Variants in RREB1 observed in about 807,000 individuals in gnomAD.
RREB1 encodes ras responsive element binding protein 1.
RREB1 carries 27 observed loss-of-function variants against 117.8 expected under a neutral mutation model. The ratio of observed to expected loss-of-function variants is 0.23; its 90% CI spans 0.17 to 0.32. The LOEUF (loss-of-function observed/expected upper bound fraction) is 0.32. RREB1 is among the 10% of genes least tolerant of loss of function. The pLI, the probability that RREB1 is intolerant of heterozygous loss-of-function variation, is 1.00. For missense variants in RREB1, 2,577 were observed against 2,378.2 expected, an observed-to-expected ratio of 1.08 and a Z score of -1.74; for synonymous variants, 1,298 against 1,026.7, an observed-to-expected ratio of 1.26 and a Z score of -5.05.
At chr6:7,130,990 G>A (rs1762134941) in intron 1 of RREB1, among the ~76,000 whole-genome samples, 1 of 145,676 alleles carries the variant, frequency 6.9e-6, no homozygotes, top group African/African-American at 2.6e-5. Context: ...CCAGGCTGGA[G>A]GTCAGTGGCG....
At chr6:7,126,484 G>C (rs935868634) in intron 1 of RREB1, among the ~76,000 whole-genome samples, 12 of 150,828 alleles carry the variant, frequency 8.0e-5, no homozygotes, top group Non-Finnish European at 1.5e-4. Flanking sequence ...GGTCAGGCTG[G>C]TCTTAAACTC....
chr6:7,232,124 A>G (rs887564287), intron 10 of RREB1, among the ~76,000 whole-genome samples: 9 of 152,304 alleles, frequency 5.9e-5, no homozygotes, highest in African/African-American at 1.9e-4. Flanking sequence ...GAGCCCTCCA[A>G]GGGCAGCATT....
At chr6:7,159,853 A>G (rs760910673) in intron 1 of RREB1, among the ~76,000 whole-genome samples, 3 of 152,096 alleles carry the variant, frequency 2.0e-5, no homozygotes, top group Admixed American at 1.3e-4. Flanking sequence ...TTTATGGACT[A>G]TTTTCCTAAA....
Position 7,249,093 on chromosome 6 carries a change from G to GACAGACAGACAGAC in RREB1, c.*126_*127insCAGACAGACAGACA. On this transcript the variant is annotated 3_prime_UTR_variant, in exon 13 of 13. Coordinates refer to ENST00000379938, the MANE Select transcript of RREB1 (RefSeq NM_001003699.4). ...AGAGAGAGAGAGAGAGAGAGAGAGA[G>GACAGACAGACAGAC]AGAGAGAGAGACAAGCAGGAGCGTG... 1.3e-6 allele frequency: 1 copy of GACAGACAGACAGAC among 758,708 alleles called. No homozygotes were observed. Among genetic ancestry groups the GACAGACAGACAGAC allele is most frequent in the Admixed American group, 3.2e-5 (1 of 31,704 alleles). The allele number at this position is 758,708 out of a possible 1,614,324, so 47.0% of individuals were successfully genotyped here.
rs541412101 is a variant in RREB1, at chr6:7,246,565, A to G, written c.4115A>G (p.Glu1372Gly). The part of the protein sequence containing the change: ...GDAPVEQATA[E>G]TASPVHREEH... ...GCGCCTGTGGAGCAGGCCACGGCGG[A>G]AACGGCCTCGCCGGTGCACCGGGAA... Residue 1372 changes from glutamate (E) to glycine (G), a missense_variant, in exon 12 of 13, where the codon GAA (glutamate) becomes GGA (glycine). Glu to Gly is a moderately conservative substitution (Grantham distance 98, BLOSUM62 -2). Transcript: ENST00000379938. The G allele has an allele frequency of 2.1e-5, 33 of 1,549,398 alleles. No individual in the cohort carries two copies. Among genetic ancestry groups the G allele is most frequent in the Non-Finnish European group, 2.8e-5 (32 of 1,147,064 alleles).
At chr6:7,232,347 G>A (rs1768047588) in intron 10 of RREB1, among the ~76,000 whole-genome samples, 1 of 152,196 alleles carries the variant, frequency 6.6e-6, no homozygotes, top group African/African-American at 2.4e-5. Flanking sequence ...CCTCAATGCA[G>A]CTTTTTAAAT....
chr6:7,164,772 T>A (rs1241039412), intron 1 of RREB1, among the ~76,000 whole-genome samples: 6 of 152,092 alleles, frequency 3.9e-5, no homozygotes, highest in African/African-American at 1.4e-4. Flanking sequence ...AGAGTTAGGA[T>A]TGGGAGGAAA....
chr6:7,231,466 C>A lies in RREB1; in HGVS notation c.3367C>A (p.Pro1123Thr), dbSNP rs761907871. ...CGCCACCCCCGCTGCCACCACCAGC[C>A]CAAAAGAGTCTAGTGAGCCTCCCGC... ...TTATPAATTSPKESSEPPAPA... is the reference protein window; with the variant it reads ...TTATPAATTSTKESSEPPAPA... Residue 1123 changes from proline (P) to threonine (T), a missense_variant, in exon 10 of 13, where the codon CCA becomes ACA. Coordinates refer to ENST00000379938, the MANE Select transcript of RREB1 (RefSeq NM_001003699.4). The A allele has an allele frequency of 5.0e-6, 8 of 1,613,030 alleles. No individual in the cohort carries two copies. In the Admixed American group the frequency reaches 1.3e-4, roughly 27 times the overall value.
chr6:7,233,555 T>A (rs915067504), intron 10 of RREB1, among the ~76,000 whole-genome samples: 3 of 152,198 alleles, frequency 2.0e-5, no homozygotes, highest in Non-Finnish European at 2.9e-5. Flanking sequence ...AGTATAAGTA[T>A]TTTTATGTAG....
chr6:7,117,264 A>G (rs73372659), intron 1 of RREB1, among the ~76,000 whole-genome samples: 2,769 of 152,218 alleles, frequency 0.018, 71 homozygotes, highest in African/African-American at 0.06. Flanking sequence ...CTCTGAATAT[A>G]CAAAATCAAA....
chr6:7,237,815 A>T (rs1768435046), intron 10 of RREB1, among the ~76,000 whole-genome samples: 1 of 152,226 alleles, frequency 6.6e-6, no homozygotes, highest in African/African-American at 2.4e-5. Flanking sequence ...ACGCAGTGAA[A>T]TGTGAGCTTC....
At chr6:7,120,948 C>T (rs979182867) in intron 1 of RREB1, among the ~76,000 whole-genome samples, 3 of 151,064 alleles carry the variant, frequency 2.0e-5, no homozygotes, top group African/African-American at 7.3e-5. Context: ...CTCAGCCTCT[C>T]GAGTAGCTGG....
At chr6:7,167,423 G>T (rs1167802097) in intron 1 of RREB1, among the ~76,000 whole-genome samples, 2 of 139,408 alleles carry the variant, frequency 1.4e-5, no homozygotes, top group Admixed American at 7.9e-5. Flanking sequence ...GCACTATCTT[G>T]GTTCACTGCA....
Position 7,189,335 on chromosome 6 carries a change from G to A in RREB1, c.425+13G>A, listed in dbSNP as rs376741489. On this transcript the variant is annotated intron_variant, in intron 6 of 12. Transcript: ENST00000379938. Reference sequence around the variant, plus strand: ...GGAACATGCACAGGTGGGTGAGGGCGCCCTTTGCTTGGGGGGTTGGCTGGT... The same window carrying A: ...GGAACATGCACAGGTGGGTGAGGGCACCCTTTGCTTGGGGGGTTGGCTGGT... 4.2e-5 allele frequency: 65 copies of A among 1,559,672 alleles called. No individual in the cohort carries two copies. The highest frequency in any genetic ancestry group is 1.7e-4 in the Middle Eastern group (1 of 5,882).
At chr6:7,219,458 A>G (rs1473973896) in intron 8 of RREB1, among the ~76,000 whole-genome samples, 1 of 152,052 alleles carries the variant, frequency 6.6e-6, no homozygotes, top group Non-Finnish European at 1.5e-5. Flanking sequence ...CCCTCGCCCT[A>G]TGTACCTCCT....
intron 6 of RREB1, among the ~76,000 whole-genome samples, chr6:7,197,113 G>A (rs4959431): frequency 0.43 from 65,502 of 152,040 alleles, 14,583 homozygotes; most frequent in African/African-American, 0.55. Context: ...CTTGTTCCAG[G>A]AAGTGCTGAG....
intron 1 of RREB1, among the ~76,000 whole-genome samples, chr6:7,114,476 G>GC (rs920167145): frequency 6.6e-6 from 1 of 151,864 alleles, no homozygotes; most frequent in Non-Finnish European, 1.5e-5. Context: ...GGTGGGGGGG[G>GC]GGGCGGCAGC....
intron 4 of RREB1, among the ~76,000 whole-genome samples, chr6:7,185,475 CAGG>C (rs759609613): frequency 6.6e-5 from 10 of 152,062 alleles, no homozygotes; most frequent in Non-Finnish European, 1.5e-4. Flanking sequence ...GAGGTTGAGG[CAGG>C]AGAATCACTT....
At chr6:7,206,833 G>A (rs1351419728) in intron 6 of RREB1, among the ~76,000 whole-genome samples, 1 of 152,094 alleles carries the variant, frequency 6.6e-6, no homozygotes, top group African/African-American at 2.4e-5. Context: ...AGCATCTTGA[G>A]TCCCAGAGGC....
Sources: allele counts gnomAD v4.1 joint callset (sites outside exome capture counted in the v4.1 genomes callset), GRCh38; gene constraint gnomAD v4.1.1; transcripts MANE v1.5; gene names NCBI Gene and HGNC (gene_info 2026-07-23, HGNC 2026-07-21).